Variants in SPATA19 observed in about 807,000 individuals in gnomAD.
SPATA19 encodes the protein spermatogenesis associated 19.
Under a neutral mutation model 25.0 loss-of-function variants are expected in SPATA19, and 19 were observed. The observed-to-expected ratio is 0.76, with a 90% CI of 0.53 to 1.11. SPATA19 has a LOEUF of 1.11. Among genes scored for constraint, SPATA19 ranks in the 50% most tolerant of loss-of-function variants. The pLI is 0.00. For missense variants in SPATA19, 222 were observed against 211.4 expected, an observed-to-expected ratio of 1.05 and a Z score of -0.31; for synonymous variants, 64 against 69.3, an observed-to-expected ratio of 0.92 and a Z score of 0.38.
At chr11:133,839,942 G>A (rs1938274287), downstream of SPATA19, among the ~76,000 whole-genome samples, 1 of 151,944 alleles carries the variant, frequency 6.6e-6, no homozygotes, top group Non-Finnish European at 1.5e-5. Flanking sequence ...TGGAATCTCA[G>A]AGAACACCAA....
At position 133,844,692 on chromosome 11, in the gene SPATA19, GTCT is replaced by G. The variant is rs763649089; in HGVS notation, c.136-55_136-53del. On this transcript the variant is annotated intron_variant, in intron 2 of 6. Transcript: ENST00000299140. ...AATGTCACTCTGCATCCAACCCTGG[GTCT>G]TCTTCTCCTCTTCCTTTCCTTTTAT... is the stretch of plus-strand genomic sequence containing the variant. 36 of 1,541,126 alleles carry G rather than the reference GTCT, an allele frequency of 2.3e-5. No individual in the cohort carries two copies. In the South Asian group the frequency reaches 3.2e-4, roughly 14 times the overall value.
At position 133,843,915 on chromosome 11, in the gene SPATA19, T is replaced by G. The variant is rs777428527; in HGVS notation, c.359+331A>C. Among the ~76,000 whole-genome samples, 39 of 152,246 alleles carry G rather than the reference T, an allele frequency of 2.6e-4. 1 individual carries two copies. Among genetic ancestry groups the G allele is most frequent in the Admixed American group, 2.0e-3 (31 of 15,286 alleles). Reference sequence around the variant, plus strand: ...CAGATGAAAACTTTGGCTTTTGCATTTTAAGAGCTTATTTTCTTTTAGCTC... The same window carrying G: ...CAGATGAAAACTTTGGCTTTTGCATGTTAAGAGCTTATTTTCTTTTAGCTC... On this transcript the variant is annotated intron_variant, in intron 4 of 6. Transcript: ENST00000299140.
rs112157521 is a variant in SPATA19 at position 133,843,327 on chromosome 11, A to G, written c.360-765T>C. 2.8e-4 allele frequency among the ~76,000 whole-genome samples: 42 copies of G among 152,302 alleles called. 1 individual carries two copies. Among genetic ancestry groups the G allele is most frequent in the African/African-American group, 9.4e-4 (39 of 41,564 alleles). On this transcript the variant is annotated intron_variant, in intron 4 of 6. Transcript: ENST00000299140. ...TCAGGCACAGAAAAGCCTGGATTAT[A>G]ATCAACAACATTTATGATTTTAGGG...
intron 4 of SPATA19, among the ~76,000 whole-genome samples, chr11:133,843,550 C>T (rs138834429): frequency 5.8e-4 from 89 of 152,254 alleles, no homozygotes; most frequent in African/African-American, 1.7e-3. Context: ...ATCGATGATG[C>T]GGCAGGGAAA....
chr11:133,839,090 G>A (rs1295478354), downstream of SPATA19, among the ~76,000 whole-genome samples: 4 of 152,060 alleles, frequency 2.6e-5, no homozygotes, highest in Non-Finnish European at 1.5e-5. Flanking sequence ...GTGGGACTGT[G>A]AACTAGTTCA....
Position 133,840,902 on chromosome 11 carries a change from C to T in SPATA19, c.*31G>A, listed in dbSNP as rs1362701582. On this transcript the variant is annotated 3_prime_UTR_variant, in exon 7 of 7. Coordinates refer to ENST00000299140, the MANE Select transcript of SPATA19 (RefSeq NM_174927.3). Reference sequence around the variant, plus strand: ...GATGACTCCCTGTAACCCCACTGTTCTCCGCGTTCCCAAAGCTCCATCTAG... The same window carrying T: ...GATGACTCCCTGTAACCCCACTGTTTTCCGCGTTCCCAAAGCTCCATCTAG... The T allele has an allele frequency of 6.6e-6, 1 of 152,166 alleles. No homozygotes were observed. Among genetic ancestry groups the T allele is most frequent in the Non-Finnish European group, 1.5e-5 (1 of 68,060 alleles). 9.4% of individuals were successfully genotyped at this position (152,166 alleles called of 1,614,324 possible).
Position 133,845,148 on chromosome 11 carries a change from G to T in SPATA19, c.121C>A (p.His41Asn), listed in dbSNP as rs573134272. ...VESEAVSVLH[H>N]WLKKTEEEAS... is the part of the protein sequence containing the mutation. ...ATCTTACTCACTTTTTTCAACCAAT[G>T]ATGTAGTACAGACACAGCCTCACTT... is the stretch of plus-strand genomic sequence containing the variant. The change falls in exon 2 of 7, where the codon CAT becomes AAT. Residue 41 changes from histidine to asparagine, a missense_variant. Transcript: ENST00000299140. The T allele has an allele frequency of 1.6e-5, 26 of 1,613,126 alleles. No individual in the cohort carries two copies. Among genetic ancestry groups the T allele is most frequent in the Non-Finnish European group, 2.2e-5 (26 of 1,179,650 alleles).
Position 133,844,525 on chromosome 11 carries a change from TG to T in SPATA19, c.250del (p.His84ThrfsTer2). On this transcript the variant is annotated frameshift_variant, in exon 3 of 7. Transcript: ENST00000299140. LOFTEE classifies it high-confidence loss of function. ...DSPPTHGQDI[H>X]VTRDVVKHHL... ...CTCATTTACCACATCTCTGGTCACGTGGATGTCCTGGCCATGGGTGGGAGGG... is the reference window on the plus strand; with the variant it reads ...CTCATTTACCACATCTCTGGTCACGTGATGTCCTGGCCATGGGTGGGAGGG... 1 of 1,614,188 alleles carries T rather than the reference TG, an allele frequency of 6.2e-7. No individual in the cohort carries two copies. The highest frequency in any genetic ancestry group is 2.2e-5 in the East Asian group (1 of 44,870).
chr11:133,843,294 C>A (rs10750541), intron 4 of SPATA19, among the ~76,000 whole-genome samples: 48,820 of 152,016 alleles, frequency 0.32, 9,006 homozygotes, highest in East Asian at 0.6. Context: ...TTCCATAGCA[C>A]AACCACGTCA....
downstream of SPATA19, among the ~76,000 whole-genome samples, chr11:133,838,429 A>G (rs1938245878): frequency 2.6e-5 from 4 of 152,242 alleles, no homozygotes; most frequent in South Asian, 8.3e-4. Context: ...AGCAATGGGG[A>G]AAAGATTCCC....
intron 6 of SPATA19, among the ~76,000 whole-genome samples, chr11:133,841,489 T>G (rs1938308550): frequency 6.6e-6 from 1 of 152,180 alleles, no homozygotes; most frequent in Non-Finnish European, 1.5e-5. Context: ...ATAGCTCTTG[T>G]GGTTGTTTAT....
chr11:133,836,847 A>T (rs536193773), downstream of SPATA19, among the ~76,000 whole-genome samples: 5 of 152,318 alleles, frequency 3.3e-5, no homozygotes, highest in South Asian at 1.0e-3. Context: ...TCTGGGGTGC[A>T]CACACAGCAT....
chr11:133,845,483 C>T lies in SPATA19; in HGVS notation c.-37G>A. On this transcript the variant is annotated 5_prime_UTR_variant, in exon 1 of 7. Coordinates refer to ENST00000299140, the MANE Select transcript of SPATA19 (RefSeq NM_174927.3). The stretch of plus-strand genomic sequence containing the variant: ...TACCAGGCCCCCTTCTTGGCTCCCT[C>T]CTTCCATTGAAGCTGCCTGAGAACT... The T allele has an allele frequency of 1.2e-6, 2 of 1,610,888 alleles. No individual in the cohort carries two copies. Among genetic ancestry groups the T allele is most frequent in the Non-Finnish European group, 1.7e-6 (2 of 1,177,964 alleles).
At position 133,845,493 on chromosome 11, in the gene SPATA19, A is replaced by G. The variant is rs1053071505; in HGVS notation, c.-47T>C. 3.7e-6 allele frequency: 6 copies of G among 1,601,330 alleles called. No individual in the cohort carries two copies. Among genetic ancestry groups the G allele is most frequent in the Non-Finnish European group, 3.4e-6 (4 of 1,170,194 alleles). On this transcript the variant is annotated 5_prime_UTR_variant, in exon 1 of 7. Coordinates refer to ENST00000299140, the MANE Select transcript of SPATA19 (RefSeq NM_174927.3). ...CCTTCTTGGCTCCCTCCTTCCATTGAAGCTGCCTGAGAACTCCTATGGGAC... is the reference window on the plus strand; with the variant it reads ...CCTTCTTGGCTCCCTCCTTCCATTGGAGCTGCCTGAGAACTCCTATGGGAC...
At chr11:133,843,857 CG>C (rs1178076314) in intron 4 of SPATA19, among the ~76,000 whole-genome samples, 1 of 152,190 alleles carries the variant, frequency 6.6e-6, no homozygotes, top group Non-Finnish European at 1.5e-5. Context: ...ATTCTAGCCT[CG>C]GGCGCTGGGA....
chr11:133,840,044 T>A (rs1480042159), downstream of SPATA19, among the ~76,000 whole-genome samples: 1 of 152,010 alleles, frequency 6.6e-6, no homozygotes, highest in Non-Finnish European at 1.5e-5. Flanking sequence ...AAAGACAAAA[T>A]TTCTTGAAAG....
rs756483203 is a variant in SPATA19, at chr11:133,844,537, C to A, written c.239G>T (p.Gly80Val). ...ATCTCTGGTCACGTGGATGTCCTGG[C>A]CATGGGTGGGAGGGGAGTCAGTGGA... ...KMSTDSPPTH[G>V]QDIHVTRDVV... The change falls in exon 3 of 7, where the codon GGC becomes GTC. Residue 80 changes from glycine to valine, a missense_variant. By Grantham distance (109) the Gly-to-Val change is moderately radical (BLOSUM62 -3). Coordinates refer to ENST00000299140, the MANE Select transcript of SPATA19 (RefSeq NM_174927.3). The A allele has an allele frequency of 6.2e-7, 1 of 1,614,168 alleles. No homozygotes were observed. Among genetic ancestry groups the A allele is most frequent in the Non-Finnish European group, 8.5e-7 (1 of 1,180,024 alleles).
At chr11:133,839,628 T>C (rs1329194579), downstream of SPATA19, among the ~76,000 whole-genome samples, 1 of 152,008 alleles carries the variant, frequency 6.6e-6, no homozygotes, top group East Asian at 1.9e-4. Context: ...CATGTATACA[T>C]ATGTAACAAA....
intron 6 of SPATA19, among the ~76,000 whole-genome samples, chr11:133,841,500 C>T (rs1938309132): frequency 6.6e-6 from 1 of 152,154 alleles, no homozygotes. Flanking sequence ...GGTTGTTTAT[C>T]CTGCCATTGG....
Sources: allele counts gnomAD v4.1 joint callset (sites outside exome capture counted in the v4.1 genomes callset), GRCh38; gene constraint gnomAD v4.1.1; transcripts MANE v1.5; gene names NCBI Gene and HGNC (gene_info 2026-07-23, HGNC 2026-07-21).